Variants in TENM2 observed in about 807,000 individuals in gnomAD.
TENM2 encodes teneurin-2.
In TENM2, 52 loss-of-function variants were observed where a neutral mutation model predicts 245.2. That is an observed-to-expected ratio of 0.21 (90% confidence interval 0.17 to 0.27). The LOEUF (loss-of-function observed/expected upper bound fraction) is 0.27, where lower values mean the gene tolerates loss of function less well. Among genes scored for constraint, TENM2 ranks in the 10% least tolerant of loss-of-function variants. The pLI is 1.00. For synonymous variants in TENM2, 1,363 were observed against 1,438.9 expected (o/e 0.95, Z 1.19); for missense variants, 3,046 against 3,666.8 (o/e 0.83, Z 4.37).
At chr5:167,536,256 A>G (rs1015225085) in intron 2 of TENM2, among the ~76,000 whole-genome samples, 2 of 152,146 alleles carry the variant, frequency 1.3e-5, no homozygotes, top group Admixed American at 1.3e-4. Flanking sequence ...TGTGGCTACA[A>G]ATAAATAATA....
chr5:167,932,000 G>A (rs888017676), intron 3 of TENM2, among the ~76,000 whole-genome samples: 12 of 152,162 alleles, frequency 7.9e-5, no homozygotes, highest in East Asian at 3.9e-4. Flanking sequence ...AATAGTAGGC[G>A]AGATATAAAA....
At chr5:167,526,133 A>G (rs1771091847) in intron 2 of TENM2, among the ~76,000 whole-genome samples, 1 of 152,096 alleles carries the variant, frequency 6.6e-6, no homozygotes, top group African/African-American at 2.4e-5. Context: ...ATAAGAATAA[A>G]ATATAAAGCG....
At chr5:167,819,226 C>G (rs1267723647) in intron 2 of TENM2, among the ~76,000 whole-genome samples, 1 of 152,186 alleles carries the variant, frequency 6.6e-6, no homozygotes, top group Non-Finnish European at 1.5e-5. Context: ...CTCTTTTCTA[C>G]TGACCTGCAC....
chr5:167,322,488 G>C (rs1400825443), intron 1 of TENM2, among the ~76,000 whole-genome samples: 1 of 152,152 alleles, frequency 6.6e-6, no homozygotes, highest in African/African-American at 2.4e-5. Context: ...AGCTATGCAA[G>C]TTGTGTGTAC....
rs573941081 is a variant in TENM2 at position 167,835,744 on chromosome 5, G to A, written c.503-40242G>A. Among the ~76,000 whole-genome samples the A allele has an allele frequency of 2.6e-5, 4 of 152,156 alleles. No individual in the cohort carries two copies. In the South Asian group the frequency reaches 8.3e-4, roughly 32 times the overall value. ...CTAAAAAAAAAAATCAAAAACCTTG[G>A]AAGACAAATAAACATGGCAGAAGCA... On this transcript the variant is annotated intron_variant, in intron 2 of 28. Coordinates refer to ENST00000518659, the Ensembl canonical transcript of TENM2.
At chr5:167,241,538 C>T in the TENM2 span, among the ~76,000 whole-genome samples, 4 of 152,068 alleles carry the variant, frequency 2.6e-5, no homozygotes, top group South Asian at 4.1e-4. Flanking sequence ...CTGAGAATCA[C>T]GTACGATATA....
chr5:167,563,413 A>C (rs1174747610), intron 2 of TENM2, among the ~76,000 whole-genome samples: 1 of 152,150 alleles, frequency 6.6e-6, no homozygotes, highest in Non-Finnish European at 1.5e-5. Context: ...CTTCCCAAAG[A>C]ACCTTCTTGA....
rs1768436050 is a variant in TENM2, at chr5:167,491,686, G to T, written c.502+116213G>T. ...GCTATATACCTACACTGTTGTCAAG[G>T]ATACCCAGCTCTCCACTCTCTTGTT... On this transcript the variant is annotated intron_variant, in intron 2 of 28. Coordinates refer to ENST00000518659, the Ensembl canonical transcript of TENM2. Among the ~76,000 whole-genome samples, 4 of 152,084 alleles carry T rather than the reference G, an allele frequency of 2.6e-5. No homozygotes were observed. The South Asian group carries it at 8.3e-4, about 32-fold the overall frequency.
At chr5:167,240,718 A>T in the TENM2 span, among the ~76,000 whole-genome samples, 1 of 152,198 alleles carries the variant, frequency 6.6e-6, no homozygotes, top group Non-Finnish European at 1.5e-5. Context: ...GAAATAGTGG[A>T]CAGCAGCAAT....
At chr5:167,829,485 A>G (rs1768279161) in intron 2 of TENM2, among the ~76,000 whole-genome samples, 1 of 152,222 alleles carries the variant, frequency 6.6e-6, no homozygotes, top group Non-Finnish European at 1.5e-5. Context: ...CAGGGAACCC[A>G]CAGACATTCT....
chr5:167,422,119 C>T (rs550354454), intron 2 of TENM2, among the ~76,000 whole-genome samples: 1 of 152,152 alleles, frequency 6.6e-6, no homozygotes, highest in African/African-American at 2.4e-5. Context: ...TTTTGTCTAC[C>T]CTCTCCATTA....
At chr5:167,124,725 C>T in the TENM2 span, among the ~76,000 whole-genome samples, 11 of 152,126 alleles carry the variant, frequency 7.2e-5, no homozygotes, top group South Asian at 2.3e-3. Flanking sequence ...TACATACACA[C>T]CATGCAAATG....
chr5:167,355,597 A>G (rs1194367935), intron 1 of TENM2, among the ~76,000 whole-genome samples: 2 of 152,190 alleles, frequency 1.3e-5, no homozygotes, highest in Admixed American at 1.3e-4. Context: ...TCTGCTCATG[A>G]GCCGCGAGGG....
At chr5:167,820,879 G>A (rs989352595) in intron 2 of TENM2, among the ~76,000 whole-genome samples, 1 of 152,166 alleles carries the variant, frequency 6.6e-6, no homozygotes, top group Non-Finnish European at 1.5e-5. Context: ...GACCACAAAC[G>A]CCACAGTTCT....
chr5:168,049,532 C>T (rs890753609), intron 6 of TENM2, among the ~76,000 whole-genome samples: 1 of 152,154 alleles, frequency 6.6e-6, no homozygotes, highest in Non-Finnish European at 1.5e-5. Flanking sequence ...AGATCAAGCA[C>T]TCCTCCCATT....
chr5:168,007,621 A>G (rs924187432), intron 5 of TENM2, among the ~76,000 whole-genome samples: 5 of 152,242 alleles, frequency 3.3e-5, no homozygotes, highest in East Asian at 3.9e-4. Context: ...TCAATTTGAG[A>G]TGGGTTCTCT....
At position 168,110,558 on chromosome 5, in the gene TENM2, A is replaced by C. The variant is rs1038236856; in HGVS notation, c.1814-7734A>C. 4.6e-5 allele frequency among the ~76,000 whole-genome samples: 7 copies of C among 152,312 alleles called. No homozygotes were observed. In the South Asian group the frequency reaches 1.4e-3, roughly 32 times the overall value. On this transcript the variant is annotated intron_variant, in intron 9 of 28. Coordinates refer to ENST00000518659, the Ensembl canonical transcript of TENM2. Reference sequence around the variant, plus strand: ...TCCCGTAAGCCTACACCATGCCCAGAACCATTCTGCCTGCTGAGAGACAGC... The same window carrying C: ...TCCCGTAAGCCTACACCATGCCCAGCACCATTCTGCCTGCTGAGAGACAGC...
chr5:167,585,458 G>A (rs945450566), intron 2 of TENM2, among the ~76,000 whole-genome samples: 1 of 152,170 alleles, frequency 6.6e-6, no homozygotes, highest in African/African-American at 2.4e-5. Flanking sequence ...CAGGCATTTT[G>A]CTAGGAACTG....
intron 2 of TENM2, among the ~76,000 whole-genome samples, chr5:167,430,665 A>G (rs1764160060): frequency 6.6e-6 from 1 of 152,174 alleles, no homozygotes; most frequent in Admixed American, 6.5e-5. Flanking sequence ...GCAAAAATCA[A>G]AACAAACAAA....
Sources: gnomAD v4.1 joint callset for allele counts (sites outside exome capture counted in the v4.1 genomes callset) on GRCh38, gnomAD v4.1.1 for gene constraint, MANE v1.5 for transcripts, NCBI Gene and HGNC (gene_info 2026-07-23, HGNC 2026-07-21) for gene names.